Variants in KIAA0825 observed in about 807,000 individuals in gnomAD.
KIAA0825 encodes the protein uncharacterized protein KIAA0825.
In KIAA0825, 119 loss-of-function variants were observed where a neutral mutation model predicts 147.6. The observed-to-expected ratio is 0.81, with a 90% CI of 0.69 to 0.94. KIAA0825 has a LOEUF of 0.94. Among genes scored for constraint, KIAA0825 ranks in the 40% least tolerant of loss-of-function variants. The pLI, the probability that KIAA0825 is intolerant of heterozygous loss-of-function variation, is 0.00. For synonymous variants in KIAA0825, 470 were observed against 518.1 expected, an observed-to-expected ratio of 0.91 and a Z score of 1.26; for missense variants, 1,381 against 1,472.7, an observed-to-expected ratio of 0.94 and a Z score of 1.02.
At chr5:94,386,475 T>G in intron 18 of KIAA0825, 71 bp from the exon 19 acceptor site, 5 of 1,173,642 alleles carry the variant, frequency 4.3e-6, no homozygotes, top group African/African-American at 1.5e-5. Flanking sequence ...AACTGATCAA[T>G]ATCCAAATTT....
At chr5:94,594,260 CTGCTTGGAA>C (rs1245322563) in intron 1 of KIAA0825, 1 of 618,880 alleles carries the variant, frequency 1.6e-6, no homozygotes, top group Non-Finnish European at 3.2e-6. Context: ...ATAGATCAGT[CTGCTTGGAA>C]TGCCCTGAGT....
At chr5:94,549,440 G>T (rs902264346) in intron 2 of KIAA0825, among the ~76,000 whole-genome samples, 1 of 152,182 alleles carries the variant, frequency 6.6e-6, no homozygotes, top group East Asian at 1.9e-4. Flanking sequence ...GAGCTGGCGC[G>T]GTGGCTCATG....
At chr5:94,454,273 T>C (rs1758800915) in intron 12 of KIAA0825, among the ~76,000 whole-genome samples, 1 of 152,204 alleles carries the variant, frequency 6.6e-6, no homozygotes, top group East Asian at 1.9e-4. Context: ...TCTCTTTATA[T>C]ACAGTACAGG....
At chr5:94,219,359 C>T (rs1773485120) in intron 20 of KIAA0825, among the ~76,000 whole-genome samples, 1 of 152,118 alleles carries the variant, frequency 6.6e-6, no homozygotes, top group South Asian at 2.1e-4. Context: ...GGTTCACTCA[C>T]TTGCCCACCA....
chr5:94,264,469 T>C (rs1406259056), intron 20 of KIAA0825, among the ~76,000 whole-genome samples: 1 of 152,216 alleles, frequency 6.6e-6, no homozygotes, highest in Admixed American at 6.5e-5. Context: ...AGACTGGCAA[T>C]TAAAGAACTC....
At chr5:94,289,528 C>T (rs1447633721) in intron 20 of KIAA0825, among the ~76,000 whole-genome samples, 6 of 138,906 alleles carry the variant, frequency 4.3e-5, no homozygotes, top group Admixed American at 4.3e-4. Flanking sequence ...GAGCAAGACT[C>T]CATCTGGAAA....
At chr5:94,357,975 C>T (rs2150391853) in intron 20 of KIAA0825, among the ~76,000 whole-genome samples, 1 of 151,264 alleles carries the variant, frequency 6.6e-6, no homozygotes, top group Admixed American at 6.6e-5. Context: ...AATGCTAATT[C>T]TGAATTATGT....
chr5:94,460,228 G>A (rs1054789522), intron 12 of KIAA0825, among the ~76,000 whole-genome samples: 2 of 152,044 alleles, frequency 1.3e-5, no homozygotes, highest in African/African-American at 2.4e-5. Flanking sequence ...TAAGCACTTT[G>A]GAAAATACAT....
chr5:94,442,484 G>C (rs906635398), intron 13 of KIAA0825, among the ~76,000 whole-genome samples: 1 of 152,158 alleles, frequency 6.6e-6, no homozygotes, highest in Non-Finnish European at 1.5e-5. Context: ...CAGGAGTTCT[G>C]AATTACTTTT....
intron 20 of KIAA0825, among the ~76,000 whole-genome samples, chr5:94,356,226 A>G (rs1784233036): frequency 6.6e-6 from 1 of 152,172 alleles, no homozygotes; most frequent in African/African-American, 2.4e-5. Flanking sequence ...GGTCTTAGGT[A>G]TTAGCTTCCA....
intron 3 of KIAA0825, among the ~76,000 whole-genome samples, chr5:94,527,802 C>A (rs944649563): frequency 2.0e-5 from 3 of 151,738 alleles, no homozygotes; most frequent in Non-Finnish European, 2.9e-5. Context: ...TTTAGATAAG[C>A]CTTATTTATC....
At chr5:94,483,902 G>A (rs1387188339) in intron 6 of KIAA0825, among the ~76,000 whole-genome samples, 2 of 151,170 alleles carry the variant, frequency 1.3e-5, no homozygotes, top group Non-Finnish European at 3.0e-5. Context: ...TTAATCACTT[G>A]CTTCCTTCAC....
intron 20 of KIAA0825, among the ~76,000 whole-genome samples, chr5:94,344,008 C>G (rs567656130): frequency 2.0e-5 from 3 of 152,114 alleles, no homozygotes; most frequent in African/African-American, 7.2e-5. Context: ...AAATTTCTGG[C>G]GGAAATGTAA....
At chr5:94,171,669 T>A (rs1357569015) in intron 20 of KIAA0825, among the ~76,000 whole-genome samples, 1 of 152,134 alleles carries the variant, frequency 6.6e-6, no homozygotes, top group African/African-American at 2.4e-5. Context: ...TCTTGACCCA[T>A]GCATGTATTT....
intron 3 of KIAA0825, among the ~76,000 whole-genome samples, chr5:94,530,719 G>A (rs1351532241): frequency 1.3e-5 from 2 of 152,144 alleles, no homozygotes; most frequent in Non-Finnish European, 2.9e-5. Flanking sequence ...GCCGGCCACA[G>A]CAGTCATATC....
chr5:94,547,104 T>C (rs960428185), intron 2 of KIAA0825, among the ~76,000 whole-genome samples: 2 of 151,718 alleles, frequency 1.3e-5, no homozygotes, highest in Admixed American at 6.6e-5. Context: ...AAAAGCAGAA[T>C]TGACCAAGCA....
chr5:94,575,664 T>C (rs750353792), intron 2 of KIAA0825, among the ~76,000 whole-genome samples: 1 of 152,242 alleles, frequency 6.6e-6, no homozygotes, highest in Non-Finnish European at 1.5e-5. Context: ...AGACCAATTA[T>C]GACAGTAGTG....
chr5:94,387,784 G>C (rs952870599), intron 18 of KIAA0825, among the ~76,000 whole-genome samples: 2 of 152,098 alleles, frequency 1.3e-5, no homozygotes, highest in South Asian at 4.1e-4. Context: ...GGTGCTGAAA[G>C]GTCAGAGGAC....
intron 5 of KIAA0825, among the ~76,000 whole-genome samples, chr5:94,485,807 G>A (rs1048715627): frequency 1.3e-5 from 2 of 151,374 alleles, no homozygotes; most frequent in Non-Finnish European, 3.0e-5. Context: ...TATAAGTGTT[G>A]TTCCTATCAT....
Sources: allele counts gnomAD v4.1 joint callset (sites outside exome capture counted in the v4.1 genomes callset), GRCh38; gene constraint gnomAD v4.1.1; transcripts MANE v1.5; gene names NCBI Gene and HGNC (gene_info 2026-07-23, HGNC 2026-07-21).